PLA2G2C: variants seen among roughly 807,000 people sequenced by gnomAD.
PLA2G2C encodes phospholipase A2 group IIC.
PLA2G2C carries 15 observed loss-of-function variants against 14.3 expected under a neutral mutation model. That is an observed-to-expected ratio of 1.05 (90% confidence interval 0.70 to 1.62). The LOEUF is 1.62. Among genes scored for constraint, PLA2G2C ranks in the 40% most tolerant of loss-of-function variants. The pLI is 0.00. For missense variants in PLA2G2C, 162 were observed against 173.2 expected (o/e 0.94, Z 0.36); for synonymous variants, 79 against 67.7 (o/e 1.17, Z -0.82).
intron 1 of PLA2G2C, chr1:20,184,456 A>G (rs1330423707): frequency 2.6e-5 from 4 of 152,218 alleles, no homozygotes; most frequent in Non-Finnish European, 5.9e-5. Context: ...AGGGCCACAG[A>G]GGCTTCCTGG....
At position 20,163,259 on chromosome 1, in the gene PLA2G2C, G is replaced by C. The variant is rs1032710384; in HGVS notation, c.*732C>G. The C allele has an allele frequency of 1.3e-5, 2 of 152,232 alleles. No individual in the cohort carries two copies. Among genetic ancestry groups the C allele is most frequent in the African/African-American group, 4.8e-5 (2 of 41,446 alleles). The allele number at this position is 152,232 out of a possible 1,614,324, so 9.4% of individuals were successfully genotyped here. ...CAGGTGGGCTCTCATCCTCCAGCAG[G>C]CTAGCCCAGGCTTTTTTGCAGGGTG... is the stretch of plus-strand genomic sequence containing the variant. On this transcript the variant is annotated 3_prime_UTR_variant, in exon 5 of 5. Coordinates refer to ENST00000679259, the MANE Select transcript of PLA2G2C (RefSeq NM_001367969.2).
In PLA2G2C at chr1:20,166,940, G is replaced by A. The variant is rs548151650; in HGVS notation, c.284-2783C>T. Among the ~76,000 whole-genome samples, 7 of 152,276 alleles carry A rather than the reference G, an allele frequency of 4.6e-5. No homozygotes were observed. In the South Asian group the frequency reaches 6.2e-4, roughly 14 times the overall value. ...AGACAGCCCCAGGCCAAGAAAAACC[G>A]TCTTTGGAGGCCACCTTTTAAAAAC... On this transcript the variant is annotated intron_variant, in intron 4 of 4. Coordinates refer to ENST00000679259, the MANE Select transcript of PLA2G2C (RefSeq NM_001367969.2).
chr1:20,174,445 C>A (rs570152044), intron 3 of PLA2G2C, among the ~76,000 whole-genome samples: 12 of 152,276 alleles, frequency 7.9e-5, no homozygotes, highest in East Asian at 1.9e-4. Context: ...GCAACCTCAC[C>A]CAGATGGACA....
At chr1:20,175,189 G>T in intron 2 of PLA2G2C, 44 bp from the exon 3 acceptor site, 1 of 1,613,664 alleles carries the variant, frequency 6.2e-7, no homozygotes, top group South Asian at 1.1e-5. Context: ...AAGTTGCAAT[G>T]AGCATGATGC....
chr1:20,176,194 T>C (rs747815255), intron 2 of PLA2G2C, among the ~76,000 whole-genome samples: 1 of 152,038 alleles, frequency 6.6e-6, no homozygotes, highest in Non-Finnish European at 1.5e-5. Flanking sequence ...GCTGGGATTA[T>C]AGTCATGAAC....
chr1:20,177,494 T>C (rs950293219), intron 1 of PLA2G2C, 55 bp from the exon 2 acceptor site: 19 of 566,880 alleles, frequency 3.4e-5, no homozygotes, highest in Non-Finnish European at 5.6e-5. Context: ...TGCAAAGCCC[T>C]AATTGTAGTG....
chr1:20,179,433 CTG>C (rs527941552), intron 1 of PLA2G2C, among the ~76,000 whole-genome samples: 1 of 150,492 alleles, frequency 6.6e-6, no homozygotes, highest in Non-Finnish European at 1.5e-5. Flanking sequence ...GTCAGCTTCT[CTG>C]TGTGTGTGTC....
chr1:20,166,319 C>T (rs114740431), intron 4 of PLA2G2C, among the ~76,000 whole-genome samples: 2 of 152,160 alleles, frequency 1.3e-5, no homozygotes, highest in African/African-American at 2.4e-5. Flanking sequence ...CCTGCTCGCC[C>T]GCAGGGAATC....
At position 20,166,913 on chromosome 1, in the gene PLA2G2C, T is replaced by C. The variant is rs529924848; in HGVS notation, c.284-2756A>G. Among the ~76,000 whole-genome samples, 9 of 152,290 alleles carry C rather than the reference T, an allele frequency of 5.9e-5. No homozygotes were observed. The East Asian group carries it at 1.7e-3, about 29-fold the overall frequency. ...ACCGGGCCTGTCATGACCTGGATGA[T>C]GAGACAGCCCCAGGCCAAGAAAAAC... On this transcript the variant is annotated intron_variant, in intron 4 of 4. Transcript: ENST00000679259.
At chr1:20,180,099 G>T (rs898479868) in intron 1 of PLA2G2C, among the ~76,000 whole-genome samples, 1 of 152,020 alleles carries the variant, frequency 6.6e-6, no homozygotes, top group South Asian at 2.1e-4. Flanking sequence ...TCCCTTGTGT[G>T]TTAGCTTCTC....
rs1476013712 is a variant in PLA2G2C at position 20,171,765 on chromosome 1, T to TC, written c.283+1028_283+1029insG. On this transcript the variant is annotated intron_variant, in intron 4 of 4. Coordinates refer to ENST00000679259, the MANE Select transcript of PLA2G2C (RefSeq NM_001367969.2). ...TATAAGAAGCCACTTCTTCTTTTTT[T>TC]TTTTTTTTTTTTTTGAGACGGAGTC... Among the ~76,000 whole-genome samples, 6 of 146,902 alleles carry TC rather than the reference T, an allele frequency of 4.1e-5. 1 individual carries two copies. Among genetic ancestry groups the TC allele is most frequent in the Admixed American group, 1.4e-4 (2 of 14,800 alleles).
chr1:20,170,090 C>A (rs889649038), intron 4 of PLA2G2C, among the ~76,000 whole-genome samples: 5 of 152,232 alleles, frequency 3.3e-5, no homozygotes, highest in African/African-American at 1.2e-4. Context: ...CTCTGAGCCC[C>A]AGGGTCCTCC....
chr1:20,179,394 C>T (rs1034347268), intron 1 of PLA2G2C, among the ~76,000 whole-genome samples: 30 of 152,008 alleles, frequency 2.0e-4, no homozygotes, highest in African/African-American at 7.2e-4. Context: ...GTGTCAACTT[C>T]TCCCTTGTGT....
intron 4 of PLA2G2C, among the ~76,000 whole-genome samples, chr1:20,172,010 G>C (rs188691841): frequency 0.013 from 2,028 of 151,700 alleles, 45 homozygotes; most frequent in African/African-American, 0.046. Flanking sequence ...TGATCCGCCC[G>C]CCTCGGCCTC....
Position 20,163,268 on chromosome 1 carries a change from G to A in PLA2G2C, c.*723C>T, listed in dbSNP as rs114216891. The A allele has an allele frequency of 1.3e-5, 2 of 152,364 alleles. No individual in the cohort carries two copies. The highest frequency in any genetic ancestry group is 3.9e-4 in the East Asian group (2 of 5,184). The allele number at this position is 152,364 out of a possible 1,614,324, so 9.4% of individuals were successfully genotyped here. On this transcript the variant is annotated 3_prime_UTR_variant, in exon 5 of 5. Coordinates refer to ENST00000679259, the MANE Select transcript of PLA2G2C (RefSeq NM_001367969.2). ...TCTCATCCTCCAGCAGGCTAGCCCA[G>A]GCTTTTTTGCAGGGTGGGGGCAGCT...
At chr1:20,173,642 AG>A (rs777653327) in intron 3 of PLA2G2C, among the ~76,000 whole-genome samples, 2 of 152,226 alleles carry the variant, frequency 1.3e-5, no homozygotes, top group Non-Finnish European at 2.9e-5. Context: ...CATGGCACCC[AG>A]AGTTGGCTGG....
rs147985511 is a variant in PLA2G2C at position 20,176,211 on chromosome 1, G to A, written c.41-1066C>T. Among the ~76,000 whole-genome samples, 668 of 152,138 alleles carry A rather than the reference G, an allele frequency of 4.4e-3. 5 individuals are homozygous for A. Among genetic ancestry groups the A allele is most frequent in the African/African-American group, 0.014 (594 of 41,506 alleles). On this transcript the variant is annotated intron_variant, in intron 2 of 4. Transcript: ENST00000679259. Reference sequence around the variant, plus strand: ...TGGGATTATAGTCATGAACAACCGCGCCCGGCCCAGCATGTGTTCCCTTCC... The same window carrying A: ...TGGGATTATAGTCATGAACAACCGCACCCGGCCCAGCATGTGTTCCCTTCC...
intron 1 of PLA2G2C, among the ~76,000 whole-genome samples, chr1:20,183,454 T>A (rs1208281414): frequency 1.3e-5 from 2 of 152,142 alleles, no homozygotes; most frequent in African/African-American, 4.8e-5. Context: ...GGATGCAGGT[T>A]GTAAAATTGC....
chr1:20,168,296 A>G (rs2018010268), intron 4 of PLA2G2C, among the ~76,000 whole-genome samples: 1 of 152,252 alleles, frequency 6.6e-6, no homozygotes, highest in Admixed American at 6.5e-5. Flanking sequence ...TTAAACAAAC[A>G]AGTATTGAGT....
Sources: allele counts gnomAD v4.1 joint callset (sites outside exome capture counted in the v4.1 genomes callset), GRCh38; gene constraint gnomAD v4.1.1; transcripts MANE v1.5; gene names NCBI Gene and HGNC (gene_info 2026-07-23, HGNC 2026-07-21).